Variants in SMAP1 observed in about 807,000 individuals in gnomAD.
SMAP1 encodes small ArfGAP 1, also known as stromal membrane-associated protein 1.
Under a neutral mutation model 58.5 loss-of-function variants are expected in SMAP1, and 24 were observed. The ratio of observed to expected loss-of-function variants is 0.41; its 90% CI spans 0.30 to 0.58. SMAP1 has a LOEUF of 0.58. Ranked by LOEUF, SMAP1 falls within the 20% of genes least tolerant of loss-of-function variation. The probability of loss-of-function intolerance (pLI) is 0.29; values close to 1 mark genes in which losing one functional copy is unlikely to be tolerated. For missense variants in SMAP1, 563 were observed against 566.3 expected, an observed-to-expected ratio of 0.99 and a Z score of 0.06; for synonymous variants, 216 against 196.6, an observed-to-expected ratio of 1.10 and a Z score of -0.82.
intron 1 of SMAP1, among the ~76,000 whole-genome samples, chr6:70,729,115 T>C (rs979593812): frequency 1.4e-4 from 21 of 152,312 alleles, no homozygotes; most frequent in South Asian, 2.1e-4. Context: ...TTTTGCTCTT[T>C]TTGTTCTTGA....
chr6:70,773,665 G>A (rs1330002161), intron 4 of SMAP1, among the ~76,000 whole-genome samples: 1 of 152,008 alleles, frequency 6.6e-6, no homozygotes, highest in Non-Finnish European at 1.5e-5. Context: ...GTTAATTTTT[G>A]AAATTTGCAA....
chr6:70,697,456 CCACCA>C, intron 1 of SMAP1, among the ~76,000 whole-genome samples: 1 of 152,136 alleles, frequency 6.6e-6, no homozygotes, highest in Middle Eastern at 3.4e-3. Context: ...CAGGTGCCCA[CCACCA>C]CACCCAGCTA....
chr6:70,814,112 T>C (rs910054603), intron 6 of SMAP1, among the ~76,000 whole-genome samples: 1 of 152,180 alleles, frequency 6.6e-6, no homozygotes, highest in Non-Finnish European at 1.5e-5. Flanking sequence ...TGGGAGTTTC[T>C]AGTCTCCCTG....
intron 4 of SMAP1, among the ~76,000 whole-genome samples, chr6:70,788,362 A>C (rs1418678665): frequency 1.3e-5 from 2 of 151,110 alleles, no homozygotes; most frequent in Non-Finnish European, 3.0e-5. Flanking sequence ...ATGACGAGTT[A>C]ATGGGTGCAG....
chr6:70,704,698 T>C (rs1206999823), intron 1 of SMAP1, among the ~76,000 whole-genome samples: 1 of 152,206 alleles, frequency 6.6e-6, no homozygotes, highest in African/African-American at 2.4e-5. Context: ...GCAATTTTCA[T>C]TGTTACTGAT....
At chr6:70,710,423 C>T (rs750539571) in intron 1 of SMAP1, among the ~76,000 whole-genome samples, 10 of 136,758 alleles carry the variant, frequency 7.3e-5, no homozygotes, top group South Asian at 2.5e-4. Context: ...CCCGAGATTG[C>T]GTAGGTTGCA....
At chr6:70,808,978 GAGTATTCTT>G (rs1769271433) in intron 6 of SMAP1, among the ~76,000 whole-genome samples, 1 of 151,224 alleles carries the variant, frequency 6.6e-6, no homozygotes, top group Non-Finnish European at 1.5e-5. Context: ...TGCCTTGGTG[GAGTATTCTT>G]AGTTTAAAAT....
chr6:70,768,275 A>G (rs992881939), intron 3 of SMAP1, among the ~76,000 whole-genome samples: 12 of 152,350 alleles, frequency 7.9e-5, no homozygotes, highest in African/African-American at 2.9e-4. Flanking sequence ...AAAATGAGTT[A>G]GGGAGGATTC....
chr6:70,859,540 CTGAGTG>C, intron 10 of SMAP1: 1 of 620,604 alleles, frequency 1.6e-6, no homozygotes, highest in Non-Finnish European at 2.7e-6. Context: ...CAGTCTAACT[CTGAGTG>C]TAAGTTTTAA....
At chr6:70,690,364 T>A (rs2149817020) in intron 1 of SMAP1, among the ~76,000 whole-genome samples, 1 of 152,156 alleles carries the variant, frequency 6.6e-6, no homozygotes, top group South Asian at 2.1e-4. Flanking sequence ...TGGAGTGCAG[T>A]GGTGCGATCT....
intron 2 of SMAP1, 82 bp from the exon 3 acceptor site, chr6:70,754,898 G>A (rs1766421099): frequency 2.9e-6 from 2 of 683,520 alleles, no homozygotes; most frequent in Non-Finnish European, 5.1e-6. Flanking sequence ...TGGTATTTGT[G>A]TATATGTATG....
chr6:70,769,538 G>T (rs1039974265), intron 3 of SMAP1, among the ~76,000 whole-genome samples: 1 of 152,056 alleles, frequency 6.6e-6, no homozygotes, highest in Non-Finnish European at 1.5e-5. Context: ...ATCTGTGTTG[G>T]TTTGAAGTCT....
intron 3 of SMAP1, among the ~76,000 whole-genome samples, chr6:70,757,689 C>T (rs1227579398): frequency 6.6e-6 from 1 of 151,878 alleles, no homozygotes; most frequent in East Asian, 1.9e-4. Flanking sequence ...AACAAACAAC[C>T]CCATCAAAAA....
At chr6:70,842,534 A>G (rs554035234) in intron 7 of SMAP1, among the ~76,000 whole-genome samples, 1 of 152,186 alleles carries the variant, frequency 6.6e-6, no homozygotes, top group East Asian at 1.9e-4. Flanking sequence ...ACAGCACAGA[A>G]CCTCCAGAGA....
rs1277917870 is a variant in SMAP1, at chr6:70,771,330, G to A, written c.339-2020G>A. ...CTGCAGAGGTTACTGCTGTCTTTTT[G>A]TTTGTCTTTGCTCTGCCCCAGAGTT... is the stretch of plus-strand genomic sequence containing the variant. On this transcript the variant is annotated intron_variant, in intron 3 of 10. Transcript: ENST00000370455. 2.6e-5 allele frequency among the ~76,000 whole-genome samples: 4 copies of A among 151,714 alleles called. No homozygotes were observed. In the East Asian group the frequency reaches 8.0e-4, roughly 30 times the overall value.
At chr6:70,674,083 T>C (rs1455384547) in intron 1 of SMAP1, among the ~76,000 whole-genome samples, 1 of 152,112 alleles carries the variant, frequency 6.6e-6, no homozygotes, top group Non-Finnish European at 1.5e-5. Flanking sequence ...TAAAACGATA[T>C]ACTTTATAAA....
chr6:70,689,575 G>A (rs556186169), intron 1 of SMAP1, among the ~76,000 whole-genome samples: 49 of 152,176 alleles, frequency 3.2e-4, no homozygotes, highest in African/African-American at 1.2e-3. Flanking sequence ...ATTTTCATAT[G>A]AATTTTAGAA....
At position 70,861,395 on chromosome 6, in the gene SMAP1, G is replaced by C; in HGVS notation, c.*1061G>C. 1 of 420,624 alleles carries C rather than the reference G, an allele frequency of 2.4e-6. No individual in the cohort carries two copies. Among genetic ancestry groups the C allele is most frequent in the Non-Finnish European group, 4.3e-6 (1 of 231,614 alleles). The allele number at this position is 420,624 out of a possible 1,614,324, so 26.1% of individuals were successfully genotyped here. A position where few individuals can be genotyped will look rare whatever the true frequency, so the allele number is the denominator to read the frequency against. On this transcript the variant is annotated 3_prime_UTR_variant, in exon 11 of 11. Coordinates refer to ENST00000370455, the MANE Select transcript of SMAP1 (RefSeq NM_001044305.3). ...CTCAAGAGTGGTATCTTGCAGTATC[G>C]GCACTGTACAAAAAAATCTTCCAAT... is the stretch of plus-strand genomic sequence containing the variant.
chr6:70,685,844 G>T (rs895500139), intron 1 of SMAP1, among the ~76,000 whole-genome samples: 3 of 152,170 alleles, frequency 2.0e-5, no homozygotes, highest in South Asian at 2.1e-4. Flanking sequence ...TGTGAAGGAA[G>T]ACTGTAAGGA....
Sources: allele counts gnomAD v4.1 joint callset (sites outside exome capture counted in the v4.1 genomes callset), GRCh38; gene constraint gnomAD v4.1.1; transcripts MANE v1.5; gene names NCBI Gene and HGNC (gene_info 2026-07-23, HGNC 2026-07-21).